Variants in GSDME observed in about 807,000 individuals in gnomAD.
GSDME encodes the protein gasdermin E.
Under a neutral mutation model 47.5 loss-of-function variants are expected in GSDME, and 44 were observed. That is an observed-to-expected ratio of 0.93 (90% CI 0.73 to 1.19). GSDME has a LOEUF of 1.19. GSDME is among the 50% of genes most tolerant of loss of function. GSDME has a pLI of 0.00. For synonymous variants in GSDME, 258 were observed against 252.8 expected, an observed-to-expected ratio of 1.02 and a Z score of -0.20; for missense variants, 663 against 604.2, an observed-to-expected ratio of 1.10 and a Z score of -1.02.
intron 6 of GSDME, 57 bp downstream of exon 6, chr7:24,710,162 TCTTGG>T: frequency 6.4e-7 from 1 of 1,569,568 alleles, no homozygotes; most frequent in Non-Finnish European, 8.7e-7. Flanking sequence ...CCACACCACC[TCTTGG>T]GATACAGGGC....
intron 1 of GSDME, among the ~76,000 whole-genome samples, chr7:24,753,526 C>T (rs1050218095): frequency 6.6e-6 from 1 of 152,136 alleles, no homozygotes; most frequent in Non-Finnish European, 1.5e-5. Flanking sequence ...AAGGGTAGAT[C>T]CCTAGAAAAG....
chr7:24,757,535 G>C (rs1174079005), upstream of GSDME: 10 of 151,894 alleles, frequency 6.6e-5, no homozygotes, highest in African/African-American at 2.2e-4. The surrounding 1 kb of genome is among the most constrained non-coding windows in gnomAD (Gnocchi z 5.9). Context: ...TGCTCGGTCC[G>C]GGCGCCCCAG....
In GSDME at chr7:24,742,774, G is replaced by C. The variant is rs548395415; in HGVS notation, c.404+1788C>G. Among the ~76,000 whole-genome samples the C allele has an allele frequency of 2.0e-5, 3 of 152,084 alleles. No homozygotes were observed. The highest frequency in any genetic ancestry group is 2.0e-4 in the Admixed American group (3 of 15,272). On this transcript the variant is annotated intron_variant, in intron 3 of 9. Coordinates refer to ENST00000645220, the MANE Select transcript of GSDME (RefSeq NM_001127453.2). The surrounding 1 kb of genome is among the most constrained non-coding windows in gnomAD (Gnocchi z 4.4). ...CCCGCCTCCCTTTTCCCCTTCCCCAGTGCCACCAGATTTAGCAAATGAAAA... is the reference window on the plus strand; with the variant it reads ...CCCGCCTCCCTTTTCCCCTTCCCCACTGCCACCAGATTTAGCAAATGAAAA...
chr7:24,743,465 A>G (rs779783407), intron 3 of GSDME, among the ~76,000 whole-genome samples: 1 of 152,184 alleles, frequency 6.6e-6, no homozygotes, highest in Non-Finnish European at 1.5e-5. Flanking sequence ...TAACTTCTCA[A>G]CTGAACTCCC....
At chr7:24,775,874 CAA>C in the GSDME span, among the ~76,000 whole-genome samples, 2 of 31,396 alleles carry the variant, frequency 6.4e-5, no homozygotes, top group Non-Finnish European at 5.3e-5. Flanking sequence ...GATTCCATCT[CAA>C]AAAAAAAAAA....
chr7:24,706,425 GC>G, intron 7 of GSDME, 49 bp from the exon 8 acceptor site: 1 of 1,572,432 alleles, frequency 6.4e-7, no homozygotes, highest in South Asian at 1.1e-5. Flanking sequence ...GAGACCAAGC[GC>G]CACAGCTGGG....
chr7:24,706,500 C>T, intron 7 of GSDME, 124 bp from the exon 8 acceptor site: 1 of 883,778 alleles, frequency 1.1e-6, no homozygotes, highest in Non-Finnish European at 1.7e-6. Context: ...GTACGACCCG[C>T]AGCTCTTCTC....
chr7:24,719,629 C>A (rs1440925820), intron 3 of GSDME, among the ~76,000 whole-genome samples: 2 of 151,348 alleles, frequency 1.3e-5, no homozygotes, highest in Non-Finnish European at 2.9e-5. Context: ...CCTGTCTCCA[C>A]CAAAAATACA....
At chr7:24,761,618 C>A (rs1240339419), upstream of GSDME, among the ~76,000 whole-genome samples, 3 of 152,292 alleles carry the variant, frequency 2.0e-5, no homozygotes, top group African/African-American at 7.2e-5. This position sits in a 1 kb window ranked among gnomAD's most constrained non-coding sequence, Gnocchi z 4.4. Context: ...ACATTCAGAC[C>A]ATAGCATCTC....
the GSDME span, among the ~76,000 whole-genome samples, chr7:24,764,533 T>C: frequency 2.0e-5 from 3 of 152,334 alleles, no homozygotes; most frequent in East Asian, 5.8e-4. This position sits in a 1 kb window ranked among gnomAD's most constrained non-coding sequence, Gnocchi z 4.4. Flanking sequence ...CAGCTTGCTT[T>C]CTGCAAGTAA....
chr7:24,752,131 T>C (rs1432473796), intron 1 of GSDME, among the ~76,000 whole-genome samples: 2 of 152,142 alleles, frequency 1.3e-5, no homozygotes, highest in African/African-American at 2.4e-5. Context: ...CAGGAGGTGA[T>C]GGAGGGATGG....
At position 24,735,808 on chromosome 7, in the gene GSDME, A is replaced by AAAT. The variant is rs1562707729; in HGVS notation, c.404+8753_404+8754insATT. 1.3e-5 allele frequency among the ~76,000 whole-genome samples: 2 copies of AAAT among 149,838 alleles called. No homozygotes were observed. On this transcript the variant is annotated intron_variant, in intron 3 of 9. Coordinates refer to ENST00000645220, the MANE Select transcript of GSDME (RefSeq NM_001127453.2). The surrounding 1 kb of genome is among the most constrained non-coding windows in gnomAD (Gnocchi z 4.4). The stretch of plus-strand genomic sequence containing the variant: ...ATAAATAAATAAATAAATAAATAAA[A>AAAT]CTACAAAAACTTTTCAAGACATAGA...
At chr7:24,771,584 T>C in the GSDME span, among the ~76,000 whole-genome samples, 1 of 152,176 alleles carries the variant, frequency 6.6e-6, no homozygotes, top group African/African-American at 2.4e-5. The surrounding 1 kb of genome is among the most constrained non-coding windows in gnomAD (Gnocchi z 4.1). Flanking sequence ...TTGAGCAAGT[T>C]GCCTGAGTTT....
At position 24,706,426 on chromosome 7, in the gene GSDME, C is replaced by T. The variant is rs187623576; in HGVS notation, c.991-50G>A. 1.4e-5 allele frequency: 22 copies of T among 1,579,648 alleles called. No individual in the cohort carries two copies. The South Asian group carries it at 2.4e-4, about 17-fold the overall frequency. ...TCATGACACAGCTGGAGACCAAGCG[C>T]CACAGCTGGGGCCTCCGCTCACAGT... On this transcript the variant is annotated intron_variant, in intron 7 of 9. Transcript: ENST00000645220.
chr7:24,790,649 C>A, the GSDME span, among the ~76,000 whole-genome samples: 4 of 152,094 alleles, frequency 2.6e-5, no homozygotes, highest in African/African-American at 9.7e-5. This position sits in a 1 kb window ranked among gnomAD's most constrained non-coding sequence, Gnocchi z 4.1. Context: ...TAAATGGATT[C>A]TTTTTAGTAT....
At chr7:24,710,441 C>T in intron 5 of GSDME, 53 bp from the exon 6 acceptor site, 1 of 1,595,714 alleles carries the variant, frequency 6.3e-7, no homozygotes, top group South Asian at 1.1e-5. Context: ...TAAGGTGTGC[C>T]AACAAGTCTG....
At chr7:24,718,847 A>C (rs924304062) in intron 4 of GSDME, among the ~76,000 whole-genome samples, 200 bp downstream of exon 4, 2 of 152,166 alleles carry the variant, frequency 1.3e-5, no homozygotes, top group Non-Finnish European at 2.9e-5. Flanking sequence ...TGGATCCAGC[A>C]GTGACTGGAG....
In GSDME at chr7:24,732,194, C is replaced by G. The variant is rs1322849448; in HGVS notation, c.404+12368G>C. ...AAACTGTTTACTAAAAATAATGATT[C>G]CAGTGCTGAGTAAAGCACAAAGACA... On this transcript the variant is annotated intron_variant, in intron 3 of 9. Transcript: ENST00000645220. This position sits in a 1 kb window ranked among gnomAD's most constrained non-coding sequence, Gnocchi z 4.8. Among the ~76,000 whole-genome samples, 2 of 152,220 alleles carry G rather than the reference C, an allele frequency of 1.3e-5. No individual in the cohort carries two copies. Among genetic ancestry groups the G allele is most frequent in the East Asian group, 3.8e-4 (2 of 5,198 alleles).
At chr7:24,794,299 C>CT in the GSDME span, among the ~76,000 whole-genome samples, 17,381 of 148,222 alleles carry the variant, frequency 0.12, 1,289 homozygotes, top group Middle Eastern at 0.21. Context: ...CTCTTTCTCT[C>CT]CTCTCTCTCT....
Sources: gnomAD v4.1 joint callset for allele counts (sites outside exome capture counted in the v4.1 genomes callset) on GRCh38, gnomAD v4.1.1 for gene constraint, Gnocchi (gnomAD v3.1) non-coding constraint, MANE v1.5 for transcripts, NCBI Gene and HGNC (gene_info 2026-07-23, HGNC 2026-07-21) for gene names.